LMF1: variants seen among roughly 807,000 people sequenced by gnomAD.
The protein encoded by LMF1 is transmembrane protein 112.
LMF1 carries 68 observed loss-of-function variants against 60.6 expected under a neutral mutation model. That is an observed-to-expected ratio of 1.12 (90% confidence interval 0.92 to 1.37). The LOEUF (loss-of-function observed/expected upper bound fraction) is 1.37, where lower values mean the gene tolerates loss of function less well. Ranked by LOEUF, LMF1 falls within the 40% of genes most tolerant of loss-of-function variation. LMF1 has a pLI of 0.00. For missense variants in LMF1, 948 were observed against 767.2 expected (o/e 1.24, Z -2.78); for synonymous variants, 418 against 324.7 (o/e 1.29, Z -3.09).
In LMF1 at chr16:853,677, A is replaced by G; in HGVS notation, c.*855T>C. The G allele has an allele frequency of 2.2e-6, 1 of 454,068 alleles. No individual in the cohort carries two copies. The highest frequency in any genetic ancestry group is 1.6e-5 in the South Asian group (1 of 64,482). 28.1% of individuals were successfully genotyped at this position (454,068 alleles called of 1,614,324 possible). A position where few individuals can be genotyped will look rare whatever the true frequency, so the allele number is the denominator to read the frequency against. Reference sequence around the variant, plus strand: ...AGTGGTATAATAGGAATAGTAGAAGAATATGCCATAGCTATGGCTCAAGAA... The same window carrying G: ...AGTGGTATAATAGGAATAGTAGAAGGATATGCCATAGCTATGGCTCAAGAA... On this transcript the variant is annotated 3_prime_UTR_variant, in exon 11 of 11. Coordinates refer to ENST00000262301, the MANE Select transcript of LMF1 (RefSeq NM_022773.4).
chr16:929,445 C>A (rs534953416), intron 3 of LMF1, among the ~76,000 whole-genome samples: 1 of 152,198 alleles, frequency 6.6e-6, no homozygotes, highest in Non-Finnish European at 1.5e-5. Flanking sequence ...GGGAGGGTGC[C>A]GGCAAAGGCG....
intron 1 of LMF1, among the ~76,000 whole-genome samples, chr16:978,063 C>G (rs2073214860): frequency 6.8e-6 from 1 of 146,830 alleles, no homozygotes; most frequent in African/African-American, 2.6e-5. Context: ...AACACACCCA[C>G]ACCCTGCACA....
intron 2 of LMF1, among the ~76,000 whole-genome samples, chr16:950,085 C>A (rs374933150): frequency 1.2e-5 from 1 of 83,412 alleles, no homozygotes; most frequent in Non-Finnish European, 2.2e-5. Flanking sequence ...TCAGAGACAA[C>A]GACAGAGTCA....
At position 962,718 on chromosome 16, in the gene LMF1, G is replaced by C. The variant is rs990603359; in HGVS notation, c.194-8052C>G. On this transcript the variant is annotated intron_variant, in intron 1 of 10. Coordinates refer to ENST00000262301, the MANE Select transcript of LMF1 (RefSeq NM_022773.4). This position sits in a 1 kb window ranked among gnomAD's most constrained non-coding sequence, Gnocchi z 4.5. ...GAAAGTCTGGGAGACTCACAGACCA[G>C]GGAGGGAGGGAGGAGACGCCAGGAC... Among the ~76,000 whole-genome samples the C allele has an allele frequency of 2.6e-5, 4 of 152,338 alleles. No homozygotes were observed. The highest frequency in any genetic ancestry group is 2.6e-4 in the Admixed American group (4 of 15,302).
chr16:891,928 C>T (rs1354992108), intron 5 of LMF1, among the ~76,000 whole-genome samples: 1 of 152,248 alleles, frequency 6.6e-6, no homozygotes, highest in Non-Finnish European at 1.5e-5. Context: ...ATTTCACAGA[C>T]CGTCAGCTGA....
At chr16:909,284 A>G (rs2071044718) in intron 4 of LMF1, among the ~76,000 whole-genome samples, 1 of 152,150 alleles carries the variant, frequency 6.6e-6, no homozygotes, top group African/African-American at 2.4e-5. Context: ...TGGGAGCCAC[A>G]GGGGGACAGA....
intron 2 of LMF1, among the ~76,000 whole-genome samples, chr16:943,485 G>A (rs1334428320): frequency 2.0e-5 from 3 of 151,950 alleles, no homozygotes; most frequent in African/African-American, 7.3e-5. Context: ...CAGCACTTTG[G>A]GAGGCCGAGG....
intron 4 of LMF1, chr16:893,477 G>C: frequency 2.2e-6 from 1 of 446,738 alleles, no homozygotes; most frequent in Non-Finnish European, 4.5e-6. Context: ...CCCAAAGTCG[G>C]AGGGAGCACC....
At chr16:885,690 C>T (rs527626231) in intron 5 of LMF1, among the ~76,000 whole-genome samples, 50 of 152,252 alleles carry the variant, frequency 3.3e-4, no homozygotes, top group African/African-American at 1.2e-3. Context: ...CTCTCAAACA[C>T]GTATGTGCCT....
chr16:926,642 AAAC>A (rs1049617063), intron 3 of LMF1, among the ~76,000 whole-genome samples: 6 of 152,228 alleles, frequency 3.9e-5, no homozygotes, highest in African/African-American at 1.4e-4. Flanking sequence ...ACTACCCTAA[AAAC>A]AAGCGCCACC....
Position 879,706 on chromosome 16 carries a change from T to A in LMF1, c.761A>T (p.Tyr254Phe). ...GAACCACCAGGGTGAGTGGTGCAGG[T>A]AGTACGCCACAGGATTGGGCATCGG... is the stretch of plus-strand genomic sequence containing the variant. Reference protein sequence around the residue: ...TQPMPNPVAYYLHHSPWWFHR... With the variant: ...TQPMPNPVAYFLHHSPWWFHR... The change falls in exon 6 of 11, where the codon TAC becomes TTC. Residue 254 changes from tyrosine (Y) to phenylalanine (F), a missense_variant. Tyr to Phe is a conservative substitution (Grantham distance 22). Transcript: ENST00000262301. The A allele has an allele frequency of 1.2e-6, 2 of 1,600,338 alleles. No homozygotes were observed. The highest frequency in any genetic ancestry group is 2.7e-5 in the African/African-American group (2 of 74,700).
intron 2 of LMF1, among the ~76,000 whole-genome samples, chr16:936,052 T>A (rs75206769): frequency 0.01 from 1,575 of 152,290 alleles, 27 homozygotes; most frequent in African/African-American, 0.036. Flanking sequence ...AAGTCTAGAT[T>A]TGCTTTTCAC....
In LMF1 at chr16:962,279, A is replaced by G. The variant is rs148696538; in HGVS notation, c.194-7613T>C. Among the ~76,000 whole-genome samples, 1,570 of 151,702 alleles carry G rather than the reference A, an allele frequency of 0.01. 32 individuals are homozygous for G. Among genetic ancestry groups the G allele is most frequent in the South Asian group, 0.092 (423 of 4,576 alleles). ...CGGTGACAGCACGGGATCACGACCC[A>G]GAGGGAAAATAAATGGGCGTGGGTC... On this transcript the variant is annotated intron_variant, in intron 1 of 10. Transcript: ENST00000262301. The surrounding 1 kb of genome is among the most constrained non-coding windows in gnomAD (Gnocchi z 4.5).
chr16:935,815 C>T (rs1252356202), intron 2 of LMF1, among the ~76,000 whole-genome samples: 8 of 152,190 alleles, frequency 5.3e-5, no homozygotes, highest in South Asian at 2.1e-4. Flanking sequence ...CTACATCGTC[C>T]GACCTTTGAA....
intron 9 of LMF1, chr16:869,615 C>T (rs1043872881): frequency 7.0e-5 from 46 of 655,258 alleles, no homozygotes; most frequent in Middle Eastern, 2.4e-4. Flanking sequence ...TACAGGGTCT[C>T]GCTATGGCAC....
At chr16:910,775 G>C (rs1334868175) in intron 4 of LMF1, among the ~76,000 whole-genome samples, 156 bp downstream of exon 4, 6 of 152,192 alleles carry the variant, frequency 3.9e-5, no homozygotes, top group Admixed American at 3.9e-4. Context: ...ACAGGCCCCT[G>C]AAGGGGCAGA....
chr16:888,987 G>A (rs994206124), intron 5 of LMF1, among the ~76,000 whole-genome samples: 1 of 152,224 alleles, frequency 6.6e-6, no homozygotes, highest in Non-Finnish European at 1.5e-5. Flanking sequence ...TGAGGACATG[G>A]CTCTGGTCCC....
chr16:977,585 CCAGCG>C (rs2073184368), intron 1 of LMF1, among the ~76,000 whole-genome samples: 1 of 152,148 alleles, frequency 6.6e-6, no homozygotes, highest in South Asian at 2.1e-4. Context: ...ACACCGGCTG[CCAGCG>C]GGTTCACGCC....
At chr16:956,234 C>T (rs111324894) in intron 1 of LMF1, among the ~76,000 whole-genome samples, 3 of 149,968 alleles carry the variant, frequency 2.0e-5, no homozygotes, top group Non-Finnish European at 4.4e-5. Context: ...GCCCACCCCA[C>T]GACGGCTCTC....
Sources: allele counts gnomAD v4.1 joint callset (sites outside exome capture counted in the v4.1 genomes callset), GRCh38; gene constraint gnomAD v4.1.1; non-coding constraint Gnocchi (gnomAD v3.1); transcripts MANE v1.5; gene names NCBI Gene and HGNC (gene_info 2026-07-23, HGNC 2026-07-21).